The following SEMA3A variants were observed in gnomAD, a reference collection of about 807,000 sequenced individuals.
The protein encoded by SEMA3A is semaphorin 3A, also known as semaphorin-3A.
Under a neutral mutation model 97.9 loss-of-function variants are expected in SEMA3A, and 29 were observed. The ratio of observed to expected loss-of-function variants is 0.30; its 90% CI spans 0.22 to 0.40. SEMA3A has a LOEUF of 0.40. Among genes scored for constraint, SEMA3A ranks in the 10% least tolerant of loss-of-function variants. SEMA3A has a pLI of 1.00. For synonymous variants in SEMA3A, 321 were observed against 323.7 expected, an observed-to-expected ratio of 0.99 and a Z score of 0.09; for missense variants, 763 against 951.3, an observed-to-expected ratio of 0.80 and a Z score of 2.60.
intron 1 of SEMA3A, among the ~76,000 whole-genome samples, chr7:84,466,696 C>A (rs1806008095): frequency 6.6e-6 from 1 of 152,146 alleles, no homozygotes. Context: ...CTGCACAGGC[C>A]AACCTCAGGC....
upstream of SEMA3A, among the ~76,000 whole-genome samples, chr7:84,198,229 C>G (rs10244278): frequency 0.012 from 1,764 of 150,224 alleles, 30 homozygotes; most frequent in African/African-American, 0.041. Flanking sequence ...GAGTTTTGCT[C>G]TTGTTGCCCA....
rs1805628516 is a variant in SEMA3A at position 84,454,043 on chromosome 7, G to A, written c.-246+38417C>T. Among the ~76,000 whole-genome samples the A allele has an allele frequency of 1.3e-5, 2 of 152,112 alleles. 1 individual carries two copies. Among genetic ancestry groups the A allele is most frequent in the South Asian group, 4.1e-4 (2 of 4,836 alleles). ...TCCACAATACATGTGCTACTGTGCT[G>A]CAATTATTTACAGTACATGGAGATG... On this transcript the variant is annotated intron_variant, in intron 1 of 3. Coordinates refer to the SEMA3A transcript ENST00000424555.
chr7:84,034,962 A>C (rs1213512608), intron 6 of SEMA3A, among the ~76,000 whole-genome samples: 2 of 152,092 alleles, frequency 1.3e-5, no homozygotes, highest in Non-Finnish European at 2.9e-5. Flanking sequence ...TATCTTTATA[A>C]ATTAAATTTA....
chr7:83,975,840 G>T (rs969016585), intron 15 of SEMA3A, among the ~76,000 whole-genome samples: 1 of 152,096 alleles, frequency 6.6e-6, no homozygotes, highest in African/African-American at 2.4e-5. Context: ...CCATGAAACA[G>T]ATTATGAAAG....
intron 3 of SEMA3A, among the ~76,000 whole-genome samples, chr7:84,301,323 C>T (rs1801012129): frequency 6.6e-6 from 1 of 151,844 alleles, no homozygotes; most frequent in Non-Finnish European, 1.5e-5. Flanking sequence ...ATTCACAAAA[C>T]ACACACACAC....
At chr7:84,143,447 AT>A (rs1451827571) in intron 1 of SEMA3A, among the ~76,000 whole-genome samples, 1 of 146,300 alleles carries the variant, frequency 6.8e-6, no homozygotes, top group Non-Finnish European at 1.5e-5. Flanking sequence ...GTAGGATAGA[AT>A]TAATAAGCAA....
chr7:84,059,473 A>C (rs10279219), intron 5 of SEMA3A, among the ~76,000 whole-genome samples: 10,693 of 152,138 alleles, frequency 0.07, 1,265 homozygotes, highest in African/African-American at 0.24. Context: ...TTTTCTGAGT[A>C]GGAAAAAATT....
At chr7:84,420,149 T>C (rs1335833254) in intron 1 of SEMA3A, among the ~76,000 whole-genome samples, 1 of 151,712 alleles carries the variant, frequency 6.6e-6, no homozygotes, top group Non-Finnish European at 1.5e-5. Flanking sequence ...AACAGTCACA[T>C]GACATACAAA....
At chr7:84,335,086 A>G (rs1383979304) in intron 2 of SEMA3A, among the ~76,000 whole-genome samples, 2 of 152,120 alleles carry the variant, frequency 1.3e-5, no homozygotes, top group South Asian at 2.1e-4. Context: ...AAAATTTTCA[A>G]TTTTTTGAAA....
chr7:84,190,318 T>C (rs777836017), intron 1 of SEMA3A, among the ~76,000 whole-genome samples: 9 of 151,680 alleles, frequency 5.9e-5, no homozygotes, highest in Non-Finnish European at 1.0e-4. Context: ...CAGGGTATAC[T>C]TGTTGAATAG....
chr7:84,195,885 A>G (rs1244024886), upstream of SEMA3A, among the ~76,000 whole-genome samples: 2 of 152,188 alleles, frequency 1.3e-5, no homozygotes, highest in Non-Finnish European at 2.9e-5. Context: ...CTGAAGGGTT[A>G]CTAAATTTTC....
intron 15 of SEMA3A, among the ~76,000 whole-genome samples, chr7:83,967,123 A>G: frequency 6.6e-6 from 1 of 152,246 alleles, no homozygotes; most frequent in Admixed American, 6.5e-5. Flanking sequence ...AAATGGCCTC[A>G]GCCAAGCACC....
intron 1 of SEMA3A, among the ~76,000 whole-genome samples, chr7:84,376,998 G>T (rs1402183449): frequency 6.6e-6 from 1 of 151,988 alleles, no homozygotes; most frequent in Non-Finnish European, 1.5e-5. Flanking sequence ...TGTTTCCTTT[G>T]CTGTGCAGAA....
In SEMA3A at chr7:84,158,148, C is replaced by CTTTTT. The variant is rs1187182577; in HGVS notation, c.113-23202_113-23198dup. On this transcript the variant is annotated intron_variant, in intron 1 of 16. Transcript: ENST00000265362. ...CTTATGCTTAATTTAACAGCTAATT[C>CTTTTT]TTTTTTTTTTTTTTTTTTTTTTTTG... 1.5e-3 allele frequency among the ~76,000 whole-genome samples: 123 copies of CTTTTT among 82,294 alleles called. 1 individual carries two copies. The highest frequency in any genetic ancestry group is 2.2e-3 in the African/African-American group (49 of 22,416). The allele number at this position is 82,294 out of a possible 152,430, so 54.0% of individuals were successfully genotyped here. A position where few individuals can be genotyped will look rare whatever the true frequency, so the allele number is the denominator to read the frequency against.
intron 10 of SEMA3A, 50 bp downstream of exon 10, chr7:84,007,299 TGACC>T: frequency 1.4e-6 from 2 of 1,454,798 alleles, no homozygotes; most frequent in South Asian, 1.4e-5. Context: ...CATTGTTTTT[TGACC>T]TTTGGCAGAA....
intron 1 of SEMA3A, among the ~76,000 whole-genome samples, chr7:84,161,241 G>A (rs1214514403): frequency 2.6e-5 from 4 of 151,598 alleles, no homozygotes; most frequent in Non-Finnish European, 5.9e-5. Context: ...GCGGGCTCCT[G>A]TAATCCCAGC....
At chr7:84,366,549 TA>T (rs1802852616) in intron 2 of SEMA3A, among the ~76,000 whole-genome samples, 1 of 151,412 alleles carries the variant, frequency 6.6e-6, no homozygotes, top group Non-Finnish European at 1.5e-5. Context: ...GGATTCTTGC[TA>T]ACTAATTCTC....
At chr7:84,378,536 C>T (rs1803167804) in intron 1 of SEMA3A, among the ~76,000 whole-genome samples, 1 of 152,046 alleles carries the variant, frequency 6.6e-6, no homozygotes, top group African/African-American at 2.4e-5. Context: ...AGGGAGGGAA[C>T]ATCACACACT....
At chr7:84,412,633 T>A (rs1440689459) in intron 1 of SEMA3A, among the ~76,000 whole-genome samples, 1 of 152,158 alleles carries the variant, frequency 6.6e-6, no homozygotes, top group African/African-American at 2.4e-5. Context: ...CCTTTCCTGA[T>A]GAGCAATCTT....
Sources: allele counts gnomAD v4.1 joint callset (sites outside exome capture counted in the v4.1 genomes callset), GRCh38; gene constraint gnomAD v4.1.1; transcripts MANE v1.5; gene names NCBI Gene and HGNC (gene_info 2026-07-23, HGNC 2026-07-21).